Variants in CCDC77 observed in about 807,000 individuals in gnomAD.
CCDC77 encodes coiled-coil domain-containing protein 77.
CCDC77 carries 56 observed loss-of-function variants against 66.8 expected under a neutral mutation model. That is an observed-to-expected ratio of 0.84 (90% CI 0.68 to 1.05). The LOEUF (loss-of-function observed/expected upper bound fraction) is 1.05, where lower values mean the gene tolerates loss of function less well. CCDC77 is among the 50% of genes least tolerant of loss of function. CCDC77 has a pLI of 0.00. For synonymous variants in CCDC77, 196 were observed against 195.2 expected, an observed-to-expected ratio of 1.00 and a Z score of -0.03; for missense variants, 570 against 576.8, an observed-to-expected ratio of 0.99 and a Z score of 0.12.
rs920824356 is a variant in CCDC77, at chr12:433,448, C to T, written c.821+126C>T. ...AGGGAGCCTTGAAAAGACTGTCTTCCTCAGAAACCCCCGCCTCTACGTAGG... is the reference window on the plus strand; with the variant it reads ...AGGGAGCCTTGAAAAGACTGTCTTCTTCAGAAACCCCCGCCTCTACGTAGG... On this transcript the variant is annotated intron_variant, in intron 9 of 12. Transcript: ENST00000239830. 9 of 1,455,266 alleles carry T rather than the reference C, an allele frequency of 6.2e-6. No individual in the cohort carries two copies. In the African/African-American group the frequency reaches 7.2e-5, roughly 12 times the overall value. 90.1% of individuals were successfully genotyped at this position (1,455,266 alleles called of 1,614,324 possible).
chr12:400,901 C>A (rs1002946357), upstream of CCDC77, among the ~76,000 whole-genome samples: 2 of 152,066 alleles, frequency 1.3e-5, no homozygotes, highest in Non-Finnish European at 2.9e-5. Context: ...ACCTGGGAAG[C>A]GCAATAAAGG....
chr12:407,782 AT>A lies in CCDC77; in HGVS notation c.-16-1563del, dbSNP rs386375348. On this transcript the variant is annotated intron_variant, in intron 2 of 12. Coordinates refer to ENST00000239830, the MANE Select transcript of CCDC77 (RefSeq NM_032358.4). ...AAAATTCTTTCCCAAAGGACTGAAG[AT>A]TTTTTTTTTTTTTTTTTTTTTTGAG... Among the ~76,000 whole-genome samples the A allele has an allele frequency of 6.4e-3, 641 of 100,422 alleles. 1 individual carries two copies. Among genetic ancestry groups the A allele is most frequent in the African/African-American group, 0.021 (530 of 24,702 alleles). The allele number at this position is 100,422 out of a possible 152,430, so 65.9% of individuals were successfully genotyped here. A position where few individuals can be genotyped will look rare whatever the true frequency, so the allele number is the denominator to read the frequency against.
intron 8 of CCDC77, among the ~76,000 whole-genome samples, chr12:432,809 A>T (rs975242371): frequency 1.3e-5 from 2 of 152,214 alleles, no homozygotes; most frequent in African/African-American, 4.8e-5. Context: ...GGCCAAGGCG[A>T]GTTGATTGCT....
chr12:395,514 G>A (rs1258271559), intron 1 of CCDC77, among the ~76,000 whole-genome samples: 4 of 151,844 alleles, frequency 2.6e-5, no homozygotes, highest in South Asian at 2.1e-4. Flanking sequence ...TAGAGAGTCC[G>A]TATCTACGAA....
rs138411585 is a variant in CCDC77, at chr12:407,442, C to T, written c.-17+1878C>T. ...TTTATATTTGGCGAGCTTGGGAGACCTGCTGGACATCCCCATGGAGAGACG... is the reference window on the plus strand; with the variant it reads ...TTTATATTTGGCGAGCTTGGGAGACTTGCTGGACATCCCCATGGAGAGACG... On this transcript the variant is annotated intron_variant, in intron 2 of 12. Transcript: ENST00000239830. 3.6e-3 allele frequency among the ~76,000 whole-genome samples: 554 copies of T among 152,210 alleles called. 23 individuals carry two copies. In the East Asian group the frequency reaches 0.098, roughly 27 times the overall value.
intron 8 of CCDC77, among the ~76,000 whole-genome samples, chr12:432,765 G>T (rs1420018534): frequency 1.3e-5 from 2 of 152,228 alleles, no homozygotes; most frequent in Non-Finnish European, 2.9e-5. Context: ...ACTGGGCTGG[G>T]CATAGTAATG....
intron 5 of CCDC77, among the ~76,000 whole-genome samples, chr12:419,504 C>G (rs1294742925): frequency 3.0e-5 from 1 of 32,896 alleles, no homozygotes; most frequent in Non-Finnish European, 6.2e-5. Context: ...CAGTGCACTT[C>G]TGTGTGTGTG....
intron 4 of CCDC77, among the ~76,000 whole-genome samples, chr12:415,228 T>G (rs770746539): frequency 1.7e-4 from 25 of 150,362 alleles, no homozygotes; most frequent in Non-Finnish European, 3.0e-4. Context: ...ACTTGTATGC[T>G]CTCCCTTTCT....
chr12:412,099 C>T (rs2137550665), intron 4 of CCDC77, 121 bp downstream of exon 4: 1 of 763,272 alleles, frequency 1.3e-6, no homozygotes, highest in East Asian at 2.7e-5. Context: ...TTTTTATTCC[C>T]CAGCCCAGCT....
At chr12:404,121 A>G (rs1216530489) in intron 1 of CCDC77, among the ~76,000 whole-genome samples, 2 of 152,204 alleles carry the variant, frequency 1.3e-5, no homozygotes, top group Non-Finnish European at 2.9e-5. Context: ...GTTCGAGACC[A>G]GCCTGGCCAA....
chr12:401,737 GA>G (rs1565562055), intron 1 of CCDC77, 53 bp downstream of exon 1: 2 of 152,514 alleles, frequency 1.3e-5, no homozygotes, highest in African/African-American at 4.8e-5. Context: ...GAAGCCTTGG[GA>G]AGAAAATCTG....
intron 4 of CCDC77, among the ~76,000 whole-genome samples, chr12:415,366 A>G (rs1301230359): frequency 3.1e-5 from 4 of 130,294 alleles, no homozygotes; most frequent in African/African-American, 1.2e-4. Context: ...ATATTATGTT[A>G]ATATAATCAA....
chr12:423,554 G>A (rs1054093204), intron 5 of CCDC77, among the ~76,000 whole-genome samples: 12 of 141,740 alleles, frequency 8.5e-5, no homozygotes, highest in Admixed American at 4.6e-4. Context: ...GGAGTGCAGC[G>A]GCATGATCAC....
intron 9 of CCDC77, chr12:436,907 GAATAA>G (rs754926979): frequency 5.1e-5 from 12 of 234,940 alleles, no homozygotes; most frequent in Admixed American, 6.5e-5. Context: ...ATGTAAGACA[GAATAA>G]AATAACTCAT....
chr12:409,925 T>G (rs10848935), intron 3 of CCDC77: 150,704 of 150,708 alleles, frequency 1, 75,350 homozygotes, highest in Non-Finnish European at 1. Flanking sequence ...TTGAACCCAG[T>G]TGGTGGAGGT....
chr12:431,659 C>G (rs1269823890), intron 7 of CCDC77, among the ~76,000 whole-genome samples: 1 of 152,066 alleles, frequency 6.6e-6, no homozygotes, highest in African/African-American at 2.4e-5. Flanking sequence ...CTGCAGAGTT[C>G]CCTTATAGAG....
chr12:441,695 C>T, intron 12 of CCDC77, 79 bp from the exon 13 acceptor site: 1 of 1,459,636 alleles, frequency 6.9e-7, no homozygotes, highest in Non-Finnish European at 9.3e-7. Flanking sequence ...GCTAGCATAG[C>T]TGTGTCTTTT....
At chr12:411,205 C>A (rs539878012) in intron 3 of CCDC77, among the ~76,000 whole-genome samples, 1 of 151,226 alleles carries the variant, frequency 6.6e-6, no homozygotes, top group African/African-American at 2.4e-5. Context: ...GATAGAGTCT[C>A]GCTCTGTCGC....
At chr12:417,708 A>C (rs1300335978) in intron 4 of CCDC77, among the ~76,000 whole-genome samples, 1 of 152,074 alleles carries the variant, frequency 6.6e-6, no homozygotes, top group African/African-American at 2.4e-5. Context: ...TGAGCTCAGG[A>C]GTTCAAGCCA....
Sources: gnomAD v4.1 joint callset for allele counts (sites outside exome capture counted in the v4.1 genomes callset) on GRCh38, gnomAD v4.1.1 for gene constraint, MANE v1.5 for transcripts, NCBI Gene and HGNC (gene_info 2026-07-23, HGNC 2026-07-21) for gene names.